POLA1: variants seen among roughly 807,000 people sequenced by gnomAD.
POLA1 encodes DNA polymerase alpha catalytic subunit.
A neutral mutation model predicts 124.0 loss-of-function variants in POLA1; 15 were observed. The ratio of observed to expected loss-of-function variants is 0.12; its 90% CI spans 0.08 to 0.19. The LOEUF (loss-of-function observed/expected upper bound fraction) is 0.19. POLA1 is among the 10% of genes least tolerant of loss of function. The probability of loss-of-function intolerance (pLI) is 1.00; values close to 1 mark genes in which losing one functional copy is unlikely to be tolerated. For missense variants in POLA1, 886 were observed against 1,103.4 expected, an observed-to-expected ratio of 0.80 and a Z score of 2.79; for synonymous variants, 408 against 389.4, an observed-to-expected ratio of 1.05 and a Z score of -0.56.
intron 20 of POLA1, among the ~76,000 whole-genome samples, chrX:24,741,019 A>G (rs958620170): frequency 1.8e-5 from 2 of 111,154 alleles, no homozygotes; most frequent in African/African-American, 6.5e-5. Context: ...TATAGTAAGC[A>G]TGCAATACAT....
At chrX:24,920,892 C>A (rs2047606760) in intron 35 of POLA1, among the ~76,000 whole-genome samples, 1 of 112,287 alleles carries the variant, frequency 8.9e-6, no homozygotes, top group Non-Finnish European at 1.9e-5. Context: ...TTTATTTTAT[C>A]TTGCTCAATC....
At chrX:24,734,839 C>T (rs1931171296) in intron 17 of POLA1, among the ~76,000 whole-genome samples, 1 of 111,742 alleles carries the variant, frequency 8.9e-6, no homozygotes, top group Non-Finnish European at 1.9e-5. Context: ...TGGTCTCAAG[C>T]TCCTGACCTC....
chrX:24,814,504 G>T (rs894837677), intron 29 of POLA1, among the ~76,000 whole-genome samples: 1 of 111,667 alleles, frequency 9.0e-6, no homozygotes, highest in Non-Finnish European at 1.9e-5. Context: ...TTTATGTAAA[G>T]GACTTCATAT....
chrX:24,792,324 GAA>G (rs938472798), intron 26 of POLA1, among the ~76,000 whole-genome samples: 4 of 111,905 alleles, frequency 3.6e-5, no homozygotes, highest in African/African-American at 1.3e-4. Context: ...AGAGGGTGGA[GAA>G]AAGAGAGGCT....
At chrX:24,778,479 C>T (rs967366535) in intron 26 of POLA1, among the ~76,000 whole-genome samples, 17 of 111,968 alleles carry the variant, frequency 1.5e-4, no homozygotes, top group African/African-American at 4.9e-4. Flanking sequence ...GATCTGCCCG[C>T]CTTGGTCTCC....
intron 34 of POLA1, among the ~76,000 whole-genome samples, chrX:24,851,852 A>G (rs1329230333): frequency 8.9e-6 from 1 of 112,873 alleles, no homozygotes; most frequent in Non-Finnish European, 1.9e-5. Context: ...AGAGTAAGAA[A>G]TTGAACCAGA....
intron 34 of POLA1, among the ~76,000 whole-genome samples, chrX:24,844,004 G>C (rs2046442643): frequency 9.0e-6 from 1 of 111,170 alleles, no homozygotes; most frequent in African/African-American, 3.3e-5. Context: ...TGATTGCTTA[G>C]ATCTTTGGAT....
chrX:24,893,088 G>C (rs761520851), intron 35 of POLA1, among the ~76,000 whole-genome samples: 62 of 112,049 alleles, frequency 5.5e-4, no homozygotes, highest in Admixed American at 1.7e-3. Context: ...GAGTAGGTTA[G>C]GGACAGTGAG....
At chrX:24,746,509 T>C (rs915047110) in intron 24 of POLA1, among the ~76,000 whole-genome samples, 1 of 112,092 alleles carries the variant, frequency 8.9e-6, no homozygotes, top group African/African-American at 3.2e-5. Flanking sequence ...TCAGAGGTCA[T>C]CTAAGAAATA....
At chrX:24,876,047 C>G (rs930412712) in intron 34 of POLA1, among the ~76,000 whole-genome samples, 2 of 111,822 alleles carry the variant, frequency 1.8e-5, no homozygotes, top group African/African-American at 6.5e-5. Context: ...CTTTTCTAAT[C>G]GTATTTATTA....
intron 36 of POLA1, among the ~76,000 whole-genome samples, chrX:24,972,626 TAA>T (rs2048317199): frequency 8.9e-6 from 1 of 112,014 alleles, no homozygotes; most frequent in South Asian, 3.8e-4. Context: ...CTGTATAGAA[TAA>T]CTGCTTAGGG....
intron 34 of POLA1, among the ~76,000 whole-genome samples, chrX:24,870,571 C>CT (rs1022446407): frequency 1.8e-5 from 2 of 111,927 alleles, no homozygotes; most frequent in Admixed American, 1.9e-4. Flanking sequence ...CCATTTTCTT[C>CT]TTTCCTGGAG....
intron 36 of POLA1, among the ~76,000 whole-genome samples, chrX:24,938,164 A>G (rs995619862): frequency 3.6e-5 from 4 of 112,676 alleles, no homozygotes; most frequent in African/African-American, 6.4e-5. Context: ...CTGTAATCCC[A>G]GCACTTTGGG....
chrX:24,815,334 T>G (rs780413181), intron 30 of POLA1, among the ~76,000 whole-genome samples: 20 of 111,216 alleles, frequency 1.8e-4, no homozygotes, highest in African/African-American at 6.5e-4. Context: ...TTACTTTAAT[T>G]CTTGGAAGAC....
At chrX:24,845,417 C>A (rs1459944905) in intron 34 of POLA1, among the ~76,000 whole-genome samples, 1 of 111,882 alleles carries the variant, frequency 8.9e-6, no homozygotes, top group African/African-American at 3.2e-5. Flanking sequence ...ACTTTCTGAT[C>A]TGAATTATAT....
chrX:24,710,955 C>T (rs1017279540), intron 4 of POLA1, among the ~76,000 whole-genome samples: 5 of 110,749 alleles, frequency 4.5e-5, no homozygotes, highest in African/African-American at 6.6e-5. Flanking sequence ...TGAGCCACCG[C>T]GCTGGCATGT....
At chrX:24,801,572 A>G (rs533889412) in intron 26 of POLA1, among the ~76,000 whole-genome samples, 1 of 111,223 alleles carries the variant, frequency 9.0e-6, no homozygotes, top group East Asian at 2.8e-4. Flanking sequence ...TAGGATATTC[A>G]TTAATATCAT....
intron 4 of POLA1, among the ~76,000 whole-genome samples, chrX:24,707,238 C>T (rs1928873964): frequency 8.9e-6 from 1 of 112,125 alleles, no homozygotes; most frequent in African/African-American, 3.2e-5. Context: ...TTGAACTAAT[C>T]CCATTACCTA....
chrX:24,727,164 T>G (rs1301989341), intron 14 of POLA1, 93 bp downstream of exon 14: 1 of 734,348 alleles, frequency 1.4e-6, no homozygotes, highest in Non-Finnish European at 2.0e-6. Flanking sequence ...TTTATTTTAA[T>G]GTGTCTACTT....
Sources: allele counts gnomAD v4.1 joint callset (sites outside exome capture counted in the v4.1 genomes callset), GRCh38; gene constraint gnomAD v4.1.1; transcripts MANE v1.5; gene names NCBI Gene and HGNC (gene_info 2026-07-23, HGNC 2026-07-21).